PAPPA2: variants seen among roughly 807,000 people sequenced by gnomAD.
The protein encoded by PAPPA2 is pappalysin 2, also known as pappalysin-2.
A neutral mutation model predicts 176.4 loss-of-function variants in PAPPA2; 86 were observed. The observed-to-expected ratio is 0.49, with a 90% CI of 0.41 to 0.58. The LOEUF (loss-of-function observed/expected upper bound fraction) is 0.58, where lower values mean the gene tolerates loss of function less well. Ranked by LOEUF, PAPPA2 falls within the 20% of genes least tolerant of loss-of-function variation. The probability of loss-of-function intolerance (pLI) is 0.00; values close to 1 mark genes in which losing one functional copy is unlikely to be tolerated. For synonymous variants in PAPPA2, 809 were observed against 852.2 expected, an observed-to-expected ratio of 0.95 and a Z score of 0.88; for missense variants, 2,073 against 2,256.9, an observed-to-expected ratio of 0.92 and a Z score of 1.65.
At chr1:176,790,567 A>G (rs746352908) in intron 18 of PAPPA2, among the ~76,000 whole-genome samples, 6 of 152,192 alleles carry the variant, frequency 3.9e-5, no homozygotes, top group African/African-American at 7.2e-5. Flanking sequence ...GGCACCTGTT[A>G]TCTTAGTTTC....
At chr1:176,507,075 T>C (rs1459148849) in intron 1 of PAPPA2, among the ~76,000 whole-genome samples, 1 of 151,786 alleles carries the variant, frequency 6.6e-6, no homozygotes, top group Non-Finnish European at 1.5e-5. Flanking sequence ...CTATAGGGAA[T>C]TTAAACAAAT....
intron 4 of PAPPA2, among the ~76,000 whole-genome samples, chr1:176,676,156 G>A (rs572231245): frequency 2.0e-5 from 3 of 152,138 alleles, no homozygotes; most frequent in Admixed American, 6.6e-5. Context: ...ACAGCCACTC[G>A]AGAATACTTC....
intron 3 of PAPPA2, among the ~76,000 whole-genome samples, chr1:176,652,820 A>G (rs1366715226): frequency 6.6e-6 from 1 of 151,586 alleles, no homozygotes; most frequent in Non-Finnish European, 1.5e-5. Flanking sequence ...AGTTAGGGGA[A>G]TTTTCTGCAT....
intron 22 of PAPPA2, among the ~76,000 whole-genome samples, chr1:176,841,259 G>T (rs1667479771): frequency 6.6e-6 from 1 of 152,038 alleles, no homozygotes; most frequent in Non-Finnish European, 1.5e-5. Context: ...AAATAAAGCA[G>T]TTCTCTCCCC....
rs949097666 is a variant in PAPPA2, at chr1:176,488,777, C to A, written c.-917+25359C>A. Reference sequence around the variant, plus strand: ...AGACGCAAAGGTTTGGTTCCTCTCTCCCCCACTTCCTCCTTGTTCTCTTTT... The same window carrying A: ...AGACGCAAAGGTTTGGTTCCTCTCTACCCCACTTCCTCCTTGTTCTCTTTT... On this transcript the variant is annotated intron_variant, in intron 1 of 22. Coordinates refer to ENST00000367662, the MANE Select transcript of PAPPA2 (RefSeq NM_020318.3). Among the ~76,000 whole-genome samples, 238 of 152,242 alleles carry A rather than the reference C, an allele frequency of 1.6e-3. 2 individuals carry two copies. The highest frequency in any genetic ancestry group is 7.6e-4 in the Non-Finnish European group (52 of 68,030).
Position 176,499,150 on chromosome 1 carries a change from T to C in PAPPA2, c.-917+35732T>C, listed in dbSNP as rs377390353. On this transcript the variant is annotated intron_variant, in intron 1 of 22. Coordinates refer to ENST00000367662, the MANE Select transcript of PAPPA2 (RefSeq NM_020318.3). ...ATGAGAAACTCTTCCCCTAATAGAG[T>C]TGATCATGAATTTTCTATGATTTCT... Among the ~76,000 whole-genome samples, 5 of 152,064 alleles carry C rather than the reference T, an allele frequency of 3.3e-5. No homozygotes were observed. In the East Asian group the frequency reaches 5.8e-4, roughly 18 times the overall value.
At chr1:176,551,152 G>T (rs1179607216) in intron 1 of PAPPA2, among the ~76,000 whole-genome samples, 1 of 152,188 alleles carries the variant, frequency 6.6e-6, no homozygotes, top group Non-Finnish European at 1.5e-5. Flanking sequence ...GAAAGATAGA[G>T]CCCGACTCCC....
Position 176,670,858 on chromosome 1 carries a change from C to T in PAPPA2, c.1992-112C>T. ...GGCTGGTCTCTGCCCCATGCCCCTC[C>T]AAAAGGTAATGCTGGCTGGGAGTGC... On this transcript the variant is annotated intron_variant, in intron 3 of 22. Coordinates refer to ENST00000367662, the MANE Select transcript of PAPPA2 (RefSeq NM_020318.3). 3 of 1,398,700 alleles carry T rather than the reference C, an allele frequency of 2.1e-6. No individual in the cohort carries two copies. In the South Asian group the frequency reaches 3.9e-5, roughly 18 times the overall value. The allele number at this position is 1,398,700 out of a possible 1,614,324, so 86.6% of individuals were successfully genotyped here. A position where few individuals can be genotyped will look rare whatever the true frequency, so the allele number is the denominator to read the frequency against.
Position 176,488,460 on chromosome 1 carries a change from G to A in PAPPA2, c.-917+25042G>A, listed in dbSNP as rs147577542. Among the ~76,000 whole-genome samples the A allele has an allele frequency of 2.0e-3, 304 of 152,238 alleles. 1 individual carries two copies. Among genetic ancestry groups the A allele is most frequent in the Non-Finnish European group, 3.1e-3 (214 of 67,998 alleles). On this transcript the variant is annotated intron_variant, in intron 1 of 22. Transcript: ENST00000367662. ...GATGGTGGAGAGGGTGTACAAGAGT[G>A]TCTTCGAAATTAGATTTGAGTACAA...
intron 12 of PAPPA2, among the ~76,000 whole-genome samples, chr1:176,717,854 A>G (rs1661446920): frequency 6.6e-6 from 1 of 152,214 alleles, no homozygotes; most frequent in Non-Finnish European, 1.5e-5. Flanking sequence ...TTTGAATTCT[A>G]TTTGAGAATA....
intron 2 of PAPPA2, among the ~76,000 whole-genome samples, chr1:176,572,944 C>A (rs894913278): frequency 6.6e-6 from 1 of 152,158 alleles, no homozygotes; most frequent in African/African-American, 2.4e-5. Context: ...TACCTGGTAA[C>A]AGGAACCCCA....
chr1:176,825,239 C>G (rs1666811953), intron 21 of PAPPA2, among the ~76,000 whole-genome samples: 1 of 152,170 alleles, frequency 6.6e-6, no homozygotes, highest in East Asian at 1.9e-4. Context: ...ACTTACTTCA[C>G]CCAGGCAGAC....
intron 2 of PAPPA2, among the ~76,000 whole-genome samples, chr1:176,591,561 A>T (rs1273762931): frequency 6.6e-6 from 1 of 152,230 alleles, no homozygotes; most frequent in Non-Finnish European, 1.5e-5. Flanking sequence ...ACTCTCCATG[A>T]TATCATATAA....
chr1:176,484,500 T>G (rs1284780581), intron 1 of PAPPA2, among the ~76,000 whole-genome samples: 2 of 152,216 alleles, frequency 1.3e-5, no homozygotes, highest in Middle Eastern at 3.2e-3. Flanking sequence ...TTTTTGTAGT[T>G]GTCCTACAGT....
At chr1:176,467,993 T>G (rs1291252385) in intron 1 of PAPPA2, among the ~76,000 whole-genome samples, 2 of 151,990 alleles carry the variant, frequency 1.3e-5, no homozygotes, top group Non-Finnish European at 2.9e-5. Flanking sequence ...TAAGAGGCAG[T>G]AAAGGGTGTG....
chr1:176,521,563 C>T (rs1218028056), intron 1 of PAPPA2, among the ~76,000 whole-genome samples: 2 of 152,174 alleles, frequency 1.3e-5, no homozygotes, highest in Non-Finnish European at 2.9e-5. Context: ...GTGTTTTAAA[C>T]CACTCAGTTT....
chr1:176,544,054 G>A (rs1220720470), intron 1 of PAPPA2, among the ~76,000 whole-genome samples: 1 of 152,178 alleles, frequency 6.6e-6, no homozygotes, highest in African/African-American at 2.4e-5. Flanking sequence ...GGGATTTAGT[G>A]TTAGATCAGA....
intron 21 of PAPPA2, among the ~76,000 whole-genome samples, chr1:176,817,605 T>A (rs892399607): frequency 2.0e-5 from 3 of 151,902 alleles, no homozygotes; most frequent in African/African-American, 7.3e-5. Flanking sequence ...GAAGAAGTAA[T>A]CATTGAAAGC....
chr1:176,523,724 G>A (rs1487909028), intron 1 of PAPPA2, among the ~76,000 whole-genome samples: 1 of 152,166 alleles, frequency 6.6e-6, no homozygotes, highest in Non-Finnish European at 1.5e-5. Context: ...CTTGTTAAAA[G>A]AGCTTATGAT....
Sources: gnomAD v4.1 joint callset for allele counts (sites outside exome capture counted in the v4.1 genomes callset) on GRCh38, gnomAD v4.1.1 for gene constraint, MANE v1.5 for transcripts, NCBI Gene and HGNC (gene_info 2026-07-23, HGNC 2026-07-21) for gene names.